Variants in IMMP2L observed in about 807,000 individuals in gnomAD.
IMMP2L encodes the protein mitochondrial inner membrane protease subunit 2.
IMMP2L carries 18 observed loss-of-function variants against 19.3 expected under a neutral mutation model. That is an observed-to-expected ratio of 0.93 (90% CI 0.64 to 1.38). The LOEUF (loss-of-function observed/expected upper bound fraction) is 1.38. IMMP2L is among the 40% of genes most tolerant of loss of function. The probability of loss-of-function intolerance (pLI) is 0.00; values close to 1 mark genes in which losing one functional copy is unlikely to be tolerated. For missense variants in IMMP2L, 233 were observed against 218.2 expected, an observed-to-expected ratio of 1.07 and a Z score of -0.43; for synonymous variants, 76 against 73.0, an observed-to-expected ratio of 1.04 and a Z score of -0.21.
chr7:110,700,085 T>C (rs113533469), intron 5 of IMMP2L, among the ~76,000 whole-genome samples: 196 of 152,282 alleles, frequency 1.3e-3, no homozygotes, highest in Admixed American at 2.8e-3. Flanking sequence ...ACTTTGATTA[T>C]AGCCTTGTGA....
chr7:111,528,942 C>A (rs1013693366), intron 1 of IMMP2L, among the ~76,000 whole-genome samples: 1 of 152,074 alleles, frequency 6.6e-6, no homozygotes, highest in Admixed American at 6.6e-5. Context: ...ACACACAATT[C>A]CTGAATCAGT....
At chr7:110,895,309 A>G (rs1276047884) in intron 4 of IMMP2L, among the ~76,000 whole-genome samples, 1 of 152,214 alleles carries the variant, frequency 6.6e-6, no homozygotes, top group Non-Finnish European at 1.5e-5. Context: ...TTGCAATTCA[A>G]GATGAGATTT....
At chr7:111,178,325 A>G (rs1807305847) in intron 3 of IMMP2L, among the ~76,000 whole-genome samples, 1 of 152,094 alleles carries the variant, frequency 6.6e-6, no homozygotes, top group African/African-American at 2.4e-5. Context: ...GCTAACAATC[A>G]TCTGAGCGTT....
intron 4 of IMMP2L, among the ~76,000 whole-genome samples, chr7:110,928,458 A>G (rs1815109697): frequency 1.4e-5 from 2 of 143,984 alleles, no homozygotes; most frequent in African/African-American, 2.6e-5. Flanking sequence ...TGAAAACCAG[A>G]GGTTAGGAGA....
chr7:110,826,065 C>T (rs553868101), intron 5 of IMMP2L, among the ~76,000 whole-genome samples: 56 of 152,158 alleles, frequency 3.7e-4, no homozygotes, highest in East Asian at 1.4e-3. Context: ...GACATTTATG[C>T]GCCAACAGAC....
intron 3 of IMMP2L, among the ~76,000 whole-genome samples, chr7:111,480,533 T>C (rs1842089250): frequency 6.9e-6 from 1 of 145,592 alleles, no homozygotes; most frequent in Non-Finnish European, 1.5e-5. Context: ...CAAATTACTA[T>C]GGATAATTGA....
chr7:110,990,815 A>G (rs1451095019), intron 3 of IMMP2L, among the ~76,000 whole-genome samples: 3 of 152,158 alleles, frequency 2.0e-5, no homozygotes, highest in East Asian at 1.9e-4. Context: ...ATTGTGTGAT[A>G]CAGAAAGTTA....
chr7:110,825,152 G>C (rs558528367), intron 5 of IMMP2L, among the ~76,000 whole-genome samples: 1 of 152,068 alleles, frequency 6.6e-6, no homozygotes, highest in Admixed American at 6.6e-5. Context: ...CCTCCTCAAG[G>C]AGAACTAAAA....
intron 3 of IMMP2L, among the ~76,000 whole-genome samples, chr7:111,350,872 C>T (rs1047763060): frequency 3.3e-5 from 5 of 151,970 alleles, no homozygotes; most frequent in South Asian, 2.1e-4. Flanking sequence ...AGACCAAAAC[C>T]GTGAATACTG....
chr7:111,415,166 G>A (rs559723557), intron 3 of IMMP2L, among the ~76,000 whole-genome samples: 2 of 151,822 alleles, frequency 1.3e-5, no homozygotes, highest in Non-Finnish European at 2.9e-5. Flanking sequence ...TTAAAGAAGG[G>A]GGCCTGTATA....
intron 3 of IMMP2L, among the ~76,000 whole-genome samples, chr7:111,396,166 T>G (rs954148963): frequency 6.6e-6 from 1 of 152,068 alleles, no homozygotes; most frequent in African/African-American, 2.4e-5. Context: ...CATTTTACTA[T>G]AAAGACACAT....
chr7:110,702,258 T>C (rs1231865118), intron 5 of IMMP2L, among the ~76,000 whole-genome samples: 1 of 152,178 alleles, frequency 6.6e-6, no homozygotes, highest in Non-Finnish European at 1.5e-5. Context: ...TAAAATCTTG[T>C]TGAACGGTCG....
At chr7:110,838,275 T>G (rs1028378971) in intron 5 of IMMP2L, among the ~76,000 whole-genome samples, 18 of 152,284 alleles carry the variant, frequency 1.2e-4, no homozygotes, top group Admixed American at 1.2e-3. Flanking sequence ...ACTTAATGCT[T>G]TATGAACATA....
intron 3 of IMMP2L, among the ~76,000 whole-genome samples, chr7:111,111,299 T>TAA (rs751990466): frequency 0.035 from 3,194 of 92,110 alleles, 69 homozygotes; most frequent in African/African-American, 0.049. Flanking sequence ...GTAGCAGTTG[T>TAA]AAAAAAAAAA....
intron 3 of IMMP2L, among the ~76,000 whole-genome samples, chr7:111,351,856 A>G (rs1427154929): frequency 6.6e-6 from 1 of 152,194 alleles, no homozygotes; most frequent in African/African-American, 2.4e-5. Flanking sequence ...TTCAACCTGC[A>G]TATTTCAAGA....
chr7:111,233,336 T>C (rs557120043), intron 3 of IMMP2L, among the ~76,000 whole-genome samples: 1 of 152,236 alleles, frequency 6.6e-6, no homozygotes, highest in South Asian at 2.1e-4. Flanking sequence ...ATGTCACATT[T>C]CACTCCCTGA....
intron 1 of IMMP2L, among the ~76,000 whole-genome samples, chr7:111,526,134 T>C (rs1391563790): frequency 6.6e-6 from 1 of 152,232 alleles, no homozygotes; most frequent in Non-Finnish European, 1.5e-5. Context: ...CAGAATTTAT[T>C]ACGTGAATTT....
At chr7:110,900,988 T>C (rs1465735328) in intron 4 of IMMP2L, among the ~76,000 whole-genome samples, 1 of 151,906 alleles carries the variant, frequency 6.6e-6, no homozygotes, top group African/African-American at 2.4e-5. Context: ...CCCTTCTAAA[T>C]GTGGCTGTTG....
intron 3 of IMMP2L, among the ~76,000 whole-genome samples, chr7:111,380,386 C>G (rs1470780706): frequency 1.3e-5 from 2 of 151,900 alleles, no homozygotes; most frequent in African/African-American, 4.8e-5. Context: ...GTGTGATCCT[C>G]CACACACAGA....
Sources: allele counts gnomAD v4.1 joint callset (sites outside exome capture counted in the v4.1 genomes callset), GRCh38; gene constraint gnomAD v4.1.1; transcripts MANE v1.5; gene names NCBI Gene and HGNC (gene_info 2026-07-23, HGNC 2026-07-21).